RAPGEF3: variants seen among roughly 807,000 people sequenced by gnomAD.
RAPGEF3 encodes the protein 9330170P05Rik.
A neutral mutation model predicts 129.8 loss-of-function variants in RAPGEF3; 103 were observed. The ratio of observed to expected loss-of-function variants is 0.79; its 90% confidence interval spans 0.68 to 0.93. The LOEUF (loss-of-function observed/expected upper bound fraction) is 0.93. Ranked by LOEUF, RAPGEF3 falls within the 40% of genes least tolerant of loss-of-function variation. The pLI, the probability that RAPGEF3 is intolerant of heterozygous loss-of-function variation, is 0.00. For synonymous variants in RAPGEF3, 436 were observed against 482.6 expected (o/e 0.90, Z 1.26); for missense variants, 1,117 against 1,207.4 (o/e 0.93, Z 1.11).
rs1036665594 is a variant in RAPGEF3 at position 47,736,548 on chromosome 12, C to T, written c.*1019G>A. 1 of 152,272 alleles carries T rather than the reference C, an allele frequency of 6.6e-6. No individual in the cohort carries two copies. Among genetic ancestry groups the T allele is most frequent in the African/African-American group, 2.4e-5 (1 of 41,460 alleles). 9.4% of individuals were successfully genotyped at this position (152,272 alleles called of 1,614,324 possible). A position where few individuals can be genotyped will look rare whatever the true frequency, so the allele number is the denominator to read the frequency against. ...GCAGGGAAGAGAGGACTTCGTATGA[C>T]CAGAGCTTGCTGGGACCATTCTCAA... On this transcript the variant is annotated 3_prime_UTR_variant, in exon 28 of 28. Coordinates refer to ENST00000449771, the MANE Select transcript of RAPGEF3 (RefSeq NM_001098531.4).
intron 6 of RAPGEF3, 119 bp from the exon 7 acceptor site, chr12:47,750,544 C>G (rs1419994602): frequency 2.4e-6 from 2 of 836,066 alleles, no homozygotes; most frequent in South Asian, 3.3e-5. Context: ...TGACAGTTAT[C>G]AGCAGCAGCT....
chr12:47,751,930 C>A lies in RAPGEF3; in HGVS notation c.259G>T (p.Glu87Ter). 6.2e-7 allele frequency: 1 copy of A among 1,614,136 alleles called. No individual in the cohort carries two copies. The highest frequency in any genetic ancestry group is 8.5e-7 in the Non-Finnish European group (1 of 1,180,008). ...TNSEESLDFS[E>*]SLEQASTERV... ...CAGGCTTCTACCTGCTCCAGGCTCT[C>A]GCTGAAATCCAGGGACTCCTCGCTG... The change falls in exon 3 of 28, where the codon GAG becomes TAG. Residue 87 changes from glutamate (E) to a stop codon, truncating the protein, a stop_gained. Transcript: ENST00000449771. LOFTEE classifies it high-confidence loss of function.
chr12:47,757,995 G>T lies in RAPGEF3; in HGVS notation c.90C>A (p.Ala30=). The T allele has an allele frequency of 6.4e-7, 1 of 1,573,214 alleles. No individual in the cohort carries two copies. Among genetic ancestry groups the T allele is most frequent in the Non-Finnish European group, 8.6e-7 (1 of 1,158,924 alleles). ...SPALGAPRVG[A]LPDVVPEGTL... Reference sequence around the variant, plus strand: ...TCCCCTCCGGCACCACGTCAGGGAGGGCTCCCACCCGCGGTGCTCCCAGAG... The same window carrying T: ...TCCCCTCCGGCACCACGTCAGGGAGTGCTCCCACCCGCGGTGCTCCCAGAG... The change falls in exon 2 of 28, where the codon GCC becomes GCA. Residue 30 remains alanine (A), a synonymous_variant. Coordinates refer to ENST00000449771, the MANE Select transcript of RAPGEF3 (RefSeq NM_001098531.4).
At chr12:47,741,905 C>T (rs1033056443) in intron 18 of RAPGEF3, 8 of 405,062 alleles carry the variant, frequency 2.0e-5, no homozygotes, top group African/African-American at 1.6e-4. Context: ...AGACTTGCCC[C>T]AACTATTTCA....
chr12:47,736,787 G>C lies in RAPGEF3; in HGVS notation c.*780C>G, dbSNP rs1940814478. On this transcript the variant is annotated 3_prime_UTR_variant, in exon 28 of 28. Coordinates refer to ENST00000449771, the MANE Select transcript of RAPGEF3 (RefSeq NM_001098531.4). Reference sequence around the variant, plus strand: ...GCATCTGGACTGTAAAGTCCTATTGGACCACCACGGGGAGCTGATGGTCAC... The same window carrying C: ...GCATCTGGACTGTAAAGTCCTATTGCACCACCACGGGGAGCTGATGGTCAC... The C allele has an allele frequency of 6.6e-6, 1 of 152,330 alleles. No individual in the cohort carries two copies. The highest frequency in any genetic ancestry group is 1.5e-5 in the Non-Finnish European group (1 of 68,138). The allele number at this position is 152,330 out of a possible 1,614,324, so 9.4% of individuals were successfully genotyped here.
chr12:47,737,468 G>T lies in RAPGEF3; in HGVS notation c.*99C>A, dbSNP rs868536785. On this transcript the variant is annotated 3_prime_UTR_variant, in exon 28 of 28. Coordinates refer to ENST00000449771, the MANE Select transcript of RAPGEF3 (RefSeq NM_001098531.4). ...GGGACTCGAGTCCACTCCACGGAGA[G>T]CCTTGCCCAGCTGTGGCCAGCCTGT... 9.4e-7 allele frequency: 1 copy of T among 1,061,918 alleles called. No individual in the cohort carries two copies. The highest frequency in any genetic ancestry group is 1.5e-5 in the South Asian group (1 of 68,862). The allele number at this position is 1,061,918 out of a possible 1,614,324, so 65.8% of individuals were successfully genotyped here.
At position 47,750,344 on chromosome 12, in the gene RAPGEF3, G is replaced by A; in HGVS notation, c.753C>T (p.Asn251=). ...LHIKAVAHLS[N]SVKRELAAVL... is the part of the protein sequence containing the mutation. ...GGCTGGGAGGGGCAGGACTGACCGA[G>A]TTGGAGAGGTGGGCCACAGCCTTGA... Residue 251 remains asparagine, a synonymous_variant, in exon 7 of 28, where the codon AAC becomes AAT. Transcript: ENST00000449771. The A allele has an allele frequency of 1.9e-6, 3 of 1,613,934 alleles. No homozygotes were observed. The highest frequency in any genetic ancestry group is 2.5e-6 in the Non-Finnish European group (3 of 1,179,788).
Position 47,758,703 on chromosome 12 carries a change from T to C in RAPGEF3, c.-147A>G, listed in dbSNP as rs1026472320. ...GAACTGGGCCAGTGCCTAGCTGGACTGGCTGCCAGGGCAGCAGGATGCAGG... is the reference window on the plus strand; with the variant it reads ...GAACTGGGCCAGTGCCTAGCTGGACCGGCTGCCAGGGCAGCAGGATGCAGG... On this transcript the variant is annotated 5_prime_UTR_variant, in exon 1 of 28. Transcript: ENST00000449771. The C allele has an allele frequency of 5.1e-5, 66 of 1,286,872 alleles. No individual in the cohort carries two copies. The highest frequency in any genetic ancestry group is 6.0e-5 in the Non-Finnish European group (60 of 998,200). 79.7% of individuals were successfully genotyped at this position (1,286,872 alleles called of 1,614,324 possible).
At position 47,750,007 on chromosome 12, in the gene RAPGEF3, G is replaced by C; in HGVS notation, c.757-17C>G. ...TCGCTTCACCTGTGTGGTGGAGATA[G>C]GAGAGTCGGTGGCGACAAGTTCATG... On this transcript the variant is annotated splice_polypyrimidine_tract_variant and intron_variant, in intron 7 of 27. Transcript: ENST00000449771. 1 of 1,614,212 alleles carries C rather than the reference G, an allele frequency of 6.2e-7. No homozygotes were observed. Among genetic ancestry groups the C allele is most frequent in the Non-Finnish European group, 8.5e-7 (1 of 1,180,036 alleles).
intron 16 of RAPGEF3, 189 bp downstream of exon 16, chr12:47,746,671 G>T: frequency 1.3e-6 from 1 of 753,514 alleles, no homozygotes; most frequent in Non-Finnish European, 2.4e-6. Context: ...AGGCCTCTGC[G>T]CCTCCTGGCA....
chr12:47,737,508 G>C lies in RAPGEF3; in HGVS notation c.*59C>G, dbSNP rs557467963. ...GGCCAGCCTGTGAGTATCTTGGCCC[G>C]GCACACCCTGGCTTTCCCGGCTGCA... On this transcript the variant is annotated 3_prime_UTR_variant, in exon 28 of 28. Coordinates refer to ENST00000449771, the MANE Select transcript of RAPGEF3 (RefSeq NM_001098531.4). 3 of 1,499,616 alleles carry C rather than the reference G, an allele frequency of 2.0e-6. No individual in the cohort carries two copies. The African/African-American group carries it at 4.1e-5, about 21-fold the overall frequency. The allele number at this position is 1,499,616 out of a possible 1,614,324, so 92.9% of individuals were successfully genotyped here. A position where few individuals can be genotyped will look rare whatever the true frequency, so the allele number is the denominator to read the frequency against.
intron 23 of RAPGEF3, chr12:47,739,781 G>A (rs1941033154): frequency 7.3e-6 from 3 of 411,740 alleles, no homozygotes; most frequent in South Asian, 2.5e-5. Flanking sequence ...GGTGCACACA[G>A]GCGCTCCATG....
At position 47,748,147 on chromosome 12, in the gene RAPGEF3, A is replaced by C. The variant is rs150971079; in HGVS notation, c.1249T>G (p.Phe417Val). Residue 417 changes from phenylalanine to valine, a missense_variant, in exon 13 of 28, where the codon TTC (phenylalanine) becomes GTC (valine). Around this residue, in one of 3 missense-constraint regions of RAPGEF3, gnomAD observed 643 missense variants for 673.4 expected, o/e 0.95. Transcript: ENST00000449771. ...DSSAHDPTETFLSDFLLTHRV... is the reference protein window; with the variant it reads ...DSSAHDPTETVLSDFLLTHRV... ...TGGGTCAGGAGGAAGTCGCTGAGGA[A>C]TGTCTCTGTATGACAGGGTGAGGGG... 1 of 1,576,636 alleles carries C rather than the reference A, an allele frequency of 6.3e-7. No individual in the cohort carries two copies. Among genetic ancestry groups the C allele is most frequent in the African/African-American group, 1.3e-5 (1 of 74,228 alleles).
rs767450779 is a variant in RAPGEF3, at chr12:47,737,664, G to A, written c.2675C>T (p.Thr892Ile). 59 of 1,613,394 alleles carry A rather than the reference G, an allele frequency of 3.7e-5. No homozygotes were observed. The highest frequency in any genetic ancestry group is 4.9e-5 in the Non-Finnish European group (58 of 1,179,946). ...ISTCSEQSLS[T>I]RSPASTWAYV... is the part of the protein sequence containing the mutation. ...AGCCCAGGTGCTGGCTGGACTCCGG[G>A]TGCTCAGGGACTGCTCCGAGCCTGG... The change falls in exon 28 of 28, where the codon ACC becomes ATC. Residue 892 changes from threonine to isoleucine, a missense_variant. By Grantham distance (89) the Thr-to-Ile change is moderately conservative. Coordinates refer to ENST00000449771, the MANE Select transcript of RAPGEF3 (RefSeq NM_001098531.4).
rs113183473 is a variant in RAPGEF3, at chr12:47,739,207, T to C, written c.2397A>G (p.Val799=). Residue 799 remains valine (V), a synonymous_variant, in exon 24 of 28, where the codon GTA becomes GTG. Coordinates refer to ENST00000449771, the MANE Select transcript of RAPGEF3 (RefSeq NM_001098531.4). ...RLLDPSWNHR[V]YRLALAKLSP... is the part of the protein sequence containing the mutation. ...AGAGCTTGGCGAGGGCCAGTCGGTATACCCGGTGGTTCCATGAGGGATCCT... is the reference window on the plus strand; with the variant it reads ...AGAGCTTGGCGAGGGCCAGTCGGTACACCCGGTGGTTCCATGAGGGATCCT... The C allele has an allele frequency of 3.0e-5, 49 of 1,610,342 alleles. 2 individuals carry two copies. In the African/African-American group the frequency reaches 3.3e-4, roughly 11 times the overall value.
At chr12:47,748,366 A>G in intron 12 of RAPGEF3, 88 bp downstream of exon 12, 2 of 1,257,560 alleles carry the variant, frequency 1.6e-6, no homozygotes, top group Non-Finnish European at 1.1e-6. Context: ...GCATTCGGTG[A>G]CGTCAGATGC....
Position 47,743,998 on chromosome 12 carries a change from A to C in RAPGEF3, c.1667T>G (p.Val556Gly), listed in dbSNP as rs930133188. The C allele has an allele frequency of 1.2e-6, 2 of 1,607,440 alleles. No homozygotes were observed. The highest frequency in any genetic ancestry group is 1.3e-5 in the African/African-American group (1 of 74,862). Reference protein sequence around the residue: ...PLPGSSCAIQVGDKVPYDICR... With the variant: ...PLPGSSCAIQGGDKVPYDICR... Reference sequence around the variant, plus strand: ...CACAGACCACCAACCTTTATCCCCAACTTGGATGGCACAGCTGCTGCCAGG... The same window carrying C: ...CACAGACCACCAACCTTTATCCCCACCTTGGATGGCACAGCTGCTGCCAGG... Residue 556 changes from valine (V) to glycine (G), a missense_variant, in exon 17 of 28, where the codon GTT becomes GGT. Transcript: ENST00000449771.
At chr12:47,748,235 C>G (rs1165155554) in intron 12 of RAPGEF3, 83 bp from the exon 13 acceptor site, 4 of 1,222,074 alleles carry the variant, frequency 3.3e-6, no homozygotes, top group Non-Finnish European at 4.6e-6. Flanking sequence ...TGGAAGGACC[C>G]TTCCCCACAT....
chr12:47,742,691 G>A (rs1941229910), intron 18 of RAPGEF3, among the ~76,000 whole-genome samples: 1 of 152,206 alleles, frequency 6.6e-6, no homozygotes, highest in Non-Finnish European at 1.5e-5. Flanking sequence ...CTTAGCCATT[G>A]CAACCCTGTG....
Sources: gnomAD v4.1 joint callset for allele counts (sites outside exome capture counted in the v4.1 genomes callset) on GRCh38, gnomAD v4.1.1 for gene constraint, gnomAD v4.1.1 regional missense constraint, MANE v1.5 for transcripts, NCBI Gene and HGNC (gene_info 2026-07-23, HGNC 2026-07-21) for gene names.